SHROOM3: variants seen among roughly 807,000 people sequenced by gnomAD.
SHROOM3 encodes protein Shroom3.
In SHROOM3, 47 loss-of-function variants were observed where a neutral mutation model predicts 138.6. That is an observed-to-expected ratio of 0.34 (90% confidence interval 0.27 to 0.43). The LOEUF (loss-of-function observed/expected upper bound fraction) is 0.43. SHROOM3 is among the 20% of genes least tolerant of loss of function. The pLI is 1.00. For missense variants in SHROOM3, 2,491 were observed against 2,596.5 expected, an observed-to-expected ratio of 0.96 and a Z score of 0.88; for synonymous variants, 1,062 against 1,063.3, an observed-to-expected ratio of 1.00 and a Z score of 0.02.
intron 1 of SHROOM3, among the ~76,000 whole-genome samples, chr4:76,441,086 G>GTTTTTTTTTTTTT (rs374530154): frequency 1.7e-4 from 14 of 82,188 alleles, no homozygotes; most frequent in Non-Finnish European, 1.9e-4. Flanking sequence ...AGTTCAATTT[G>GTTTTTTTTTTTTT]TTTTTTTTTT....
chr4:76,627,950 A>G (rs565216351), intron 2 of SHROOM3, among the ~76,000 whole-genome samples: 1 of 152,320 alleles, frequency 6.6e-6, no homozygotes, highest in African/African-American at 2.4e-5. Context: ...ATAATTCAAC[A>G]TTGGCAACCT....
intron 9 of SHROOM3, among the ~76,000 whole-genome samples, chr4:76,763,044 T>A (rs1019915239): frequency 5.3e-5 from 8 of 152,090 alleles, no homozygotes; most frequent in Admixed American, 2.0e-4. Context: ...GTGCTTCAAG[T>A]AGTTTGATAT....
At chr4:76,738,554 A>T (rs2110132983) in intron 4 of SHROOM3, among the ~76,000 whole-genome samples, 1 of 152,356 alleles carries the variant, frequency 6.6e-6, no homozygotes, top group East Asian at 1.9e-4. Context: ...GTGATTAATT[A>T]GAGGCAGATA....
At chr4:76,618,793 C>T (rs951392560) in intron 2 of SHROOM3, among the ~76,000 whole-genome samples, 1 of 152,170 alleles carries the variant, frequency 6.6e-6, no homozygotes, top group African/African-American at 2.4e-5. Context: ...TTAGTTGACT[C>T]AATAATGTCC....
At chr4:76,503,651 A>G (rs930235889) in intron 1 of SHROOM3, among the ~76,000 whole-genome samples, 18 of 151,264 alleles carry the variant, frequency 1.2e-4, no homozygotes, top group African/African-American at 4.1e-4. Flanking sequence ...CTGGTCTCAA[A>G]CTCCCGACTT....
At chr4:76,561,256 G>A (rs1310124209) in intron 2 of SHROOM3, among the ~76,000 whole-genome samples, 1 of 152,058 alleles carries the variant, frequency 6.6e-6, no homozygotes, top group Non-Finnish European at 1.5e-5. Flanking sequence ...TTTTTTATTT[G>A]GCTGAATATA....
chr4:76,511,371 C>T (rs1732333789), intron 1 of SHROOM3, among the ~76,000 whole-genome samples: 1 of 151,576 alleles, frequency 6.6e-6, no homozygotes, highest in African/African-American at 2.4e-5. Context: ...AAGATCACTA[C>T]CTGCTCTTAG....
At chr4:76,648,590 G>T (rs573846314) in intron 2 of SHROOM3, among the ~76,000 whole-genome samples, 1 of 152,054 alleles carries the variant, frequency 6.6e-6, no homozygotes, top group East Asian at 1.9e-4. Context: ...TGTTCAGATC[G>T]CTTTGAAAGA....
intron 1 of SHROOM3, among the ~76,000 whole-genome samples, chr4:76,518,575 T>TGCCTGCC (rs1560531527): frequency 1.7e-5 from 2 of 117,434 alleles, no homozygotes; most frequent in African/African-American, 6.4e-5. Context: ...TCTTGCCTGC[T>TGCCTGCC]TGCCTGCCTG....
At chr4:76,632,906 G>C (rs1275901767) in intron 2 of SHROOM3, among the ~76,000 whole-genome samples, 1 of 151,966 alleles carries the variant, frequency 6.6e-6, no homozygotes, top group Non-Finnish European at 1.5e-5. Context: ...CCCTCAAATA[G>C]AACAAAAAGC....
Position 76,472,064 on chromosome 4 carries a change from GAT to G in SHROOM3, c.168+35848_168+35849del, listed in dbSNP as rs57686076. On this transcript the variant is annotated intron_variant, in intron 1 of 10. Coordinates refer to ENST00000296043, the MANE Select transcript of SHROOM3 (RefSeq NM_020859.4). ...CTATCTTATTAAGTAAAGATGGACT[GAT>G]ATAATGCCTGGTGCAGTTTCAGGCA... Among the ~76,000 whole-genome samples the G allele has an allele frequency of 3.1e-3, 473 of 152,282 alleles. 3 individuals are homozygous for G. The highest frequency in any genetic ancestry group is 0.011 in the African/African-American group (447 of 41,568).
intron 2 of SHROOM3, among the ~76,000 whole-genome samples, chr4:76,616,991 A>T (rs1734896399): frequency 6.6e-6 from 1 of 152,244 alleles, no homozygotes; most frequent in Non-Finnish European, 1.5e-5. Context: ...TCAAAATTAA[A>T]TGAATGTGTA....
At chr4:76,769,079 T>C (rs928683559) in intron 9 of SHROOM3, among the ~76,000 whole-genome samples, 1 of 152,036 alleles carries the variant, frequency 6.6e-6, no homozygotes, top group African/African-American at 2.4e-5. Context: ...ACCTTTCAAT[T>C]CTGTTGGTCA....
chr4:76,763,450 A>G (rs1722050152), intron 9 of SHROOM3, among the ~76,000 whole-genome samples: 1 of 152,110 alleles, frequency 6.6e-6, no homozygotes, highest in Non-Finnish European at 1.5e-5. Flanking sequence ...CTGTGGTCTG[A>G]GCTACTTGGG....
intron 2 of SHROOM3, among the ~76,000 whole-genome samples, chr4:76,672,939 T>C (rs919673795): frequency 5.3e-5 from 8 of 152,142 alleles, no homozygotes; most frequent in African/African-American, 1.9e-4. Context: ...TCATTGCCCT[T>C]AAAAAAGTTC....
intron 9 of SHROOM3, among the ~76,000 whole-genome samples, chr4:76,763,581 T>A (rs947871023): frequency 6.6e-6 from 1 of 151,372 alleles, no homozygotes; most frequent in Non-Finnish European, 1.5e-5. Context: ...GAAAAAAAAA[T>A]TACCAAATTT....
At chr4:76,579,020 T>A (rs80018064) in intron 2 of SHROOM3, among the ~76,000 whole-genome samples, 5,210 of 150,542 alleles carry the variant, frequency 0.035, 282 homozygotes, top group African/African-American at 0.12. Context: ...TTAAAAAATT[T>A]AAAAAAAAAA....
At chr4:76,498,453 G>A (rs1372963146) in intron 1 of SHROOM3, among the ~76,000 whole-genome samples, 2 of 152,052 alleles carry the variant, frequency 1.3e-5, no homozygotes, top group Non-Finnish European at 2.9e-5. Flanking sequence ...GATAGGAGGA[G>A]GAGAGAGCTC....
intron 8 of SHROOM3, among the ~76,000 whole-genome samples, 159 bp from the exon 9 acceptor site, chr4:76,759,386 T>C (rs747128083): frequency 2.6e-5 from 4 of 152,228 alleles, no homozygotes; most frequent in Admixed American, 1.3e-4. Context: ...GCCCTGTACA[T>C]AGTAATCACT....
Sources: allele counts gnomAD v4.1 joint callset (sites outside exome capture counted in the v4.1 genomes callset), GRCh38; gene constraint gnomAD v4.1.1; transcripts MANE v1.5; gene names NCBI Gene and HGNC (gene_info 2026-07-23, HGNC 2026-07-21).